Variants in SLC17A1 observed in about 807,000 individuals in gnomAD.
The protein encoded by SLC17A1 is solute carrier family 17 member 1.
SLC17A1 carries 51 observed loss-of-function variants against 53.5 expected under a neutral mutation model. The observed-to-expected ratio is 0.95, with a 90% CI of 0.76 to 1.20. The LOEUF (loss-of-function observed/expected upper bound fraction) is 1.20. Among genes scored for constraint, SLC17A1 ranks in the 50% most tolerant of loss-of-function variants. The probability of loss-of-function intolerance (pLI) is 0.00; values close to 1 mark genes in which losing one functional copy is unlikely to be tolerated. For missense variants in SLC17A1, 538 were observed against 568.2 expected, an observed-to-expected ratio of 0.95 and a Z score of 0.54; for synonymous variants, 179 against 198.8, an observed-to-expected ratio of 0.90 and a Z score of 0.84.
chr6:25,784,299 A>G (rs1241411870), intron 12 of SLC17A1, among the ~76,000 whole-genome samples: 1 of 152,138 alleles, frequency 6.6e-6, no homozygotes, highest in African/African-American at 2.4e-5. Flanking sequence ...GCTATAAAGG[A>G]ATATCTGAGT....
downstream of SLC17A1, chr6:25,779,728 T>G (rs1353791693): frequency 6.6e-6 from 1 of 152,220 alleles, no homozygotes; most frequent in Non-Finnish European, 1.5e-5. Context: ...CAACTTGCAT[T>G]CTGTGGATGC....
chr6:25,788,664 T>C (rs1056085378), intron 12 of SLC17A1, among the ~76,000 whole-genome samples: 1 of 20,234 alleles, frequency 4.9e-5, no homozygotes, highest in African/African-American at 7.5e-5. Context: ...GTCCAAGAGA[T>C]GAGGAAGGTC....
chr6:25,813,934 A>G (rs1256808218), intron 6 of SLC17A1, among the ~76,000 whole-genome samples: 2 of 152,184 alleles, frequency 1.3e-5, no homozygotes, highest in African/African-American at 4.8e-5. Context: ...TTATGGCTGC[A>G]TAGTATTCAA....
the SLC17A1 span, among the ~76,000 whole-genome samples, chr6:25,768,030 T>A: frequency 6.6e-6 from 1 of 152,202 alleles, no homozygotes; most frequent in Non-Finnish European, 1.5e-5. Flanking sequence ...TGGGTAGGTA[T>A]CTCTTCTTGA....
rs1763739207 is a variant in SLC17A1 at position 25,800,924 on chromosome 6, A to T, written c.1235T>A (p.Ile412Asn). The T allele has an allele frequency of 6.2e-7, 1 of 1,610,226 alleles. No homozygotes were observed. The highest frequency in any genetic ancestry group is 1.7e-5 in the Admixed American group (1 of 59,988). ...GATCAATCCAGTCAAAGTGGAAGCA[A>T]TTAGTCCTCCTATCATTCCAGTTAA... is the stretch of plus-strand genomic sequence containing the variant. ...STLTGMIGGL[I>N]ASTLTGLILK... is the part of the protein sequence containing the mutation. Residue 412 changes from isoleucine (I) to asparagine (N), a missense_variant, in exon 11 of 13, where the codon ATT (isoleucine) becomes AAT (asparagine). Physicochemically the swap from Ile to Asn is moderately radical, Grantham distance 149. Transcript: ENST00000244527.
At chr6:25,733,779 A>T in the SLC17A1 span, among the ~76,000 whole-genome samples, 1 of 136,370 alleles carries the variant, frequency 7.3e-6, no homozygotes, top group African/African-American at 2.8e-5. Context: ...CCAAAGCCTA[A>T]TACTGTGTGT....
At chr6:25,826,773 A>G in intron 2 of SLC17A1, 140 bp from the exon 3 acceptor site, 1 of 439,332 alleles carries the variant, frequency 2.3e-6, no homozygotes, top group Non-Finnish European at 3.9e-6. Context: ...TTTGATAATT[A>G]TTATATAATA....
At chr6:25,765,650 A>T in the SLC17A1 span, among the ~76,000 whole-genome samples, 2 of 152,178 alleles carry the variant, frequency 1.3e-5, no homozygotes, top group Non-Finnish European at 2.9e-5. Flanking sequence ...ACTAAGGAGG[A>T]AAAAAATGTC....
chr6:25,804,607 T>A (rs1763893325), intron 10 of SLC17A1, among the ~76,000 whole-genome samples: 1 of 151,940 alleles, frequency 6.6e-6, no homozygotes, highest in Non-Finnish European at 1.5e-5. Flanking sequence ...ATAAAAAAAA[T>A]CACAAAACAA....
chr6:25,818,170 G>A (rs981102881), intron 6 of SLC17A1, among the ~76,000 whole-genome samples: 12 of 152,230 alleles, frequency 7.9e-5, no homozygotes, highest in African/African-American at 2.4e-4. Flanking sequence ...GAGATGAGAG[G>A]GAGAGAATTG....
At chr6:25,817,718 T>C (rs1764406554) in intron 6 of SLC17A1, among the ~76,000 whole-genome samples, 1 of 152,216 alleles carries the variant, frequency 6.6e-6, no homozygotes, top group Admixed American at 6.5e-5. Context: ...ACCTCACCCC[T>C]GCTCCCCTGC....
rs887373388 is a variant in SLC17A1 at position 25,800,792 on chromosome 6, A to G, written c.1269+98T>C. ...CATATGATGCAAAAACTCATAAGTC[A>G]TCTCCTTCTGGCATCTTCTCTGCAA... is the stretch of plus-strand genomic sequence containing the variant. On this transcript the variant is annotated intron_variant, in intron 11 of 12. Coordinates refer to ENST00000244527, the MANE Select transcript of SLC17A1 (RefSeq NM_005074.5). 1.7e-5 allele frequency: 13 copies of G among 745,048 alleles called. No homozygotes were observed. In the African/African-American group the frequency reaches 1.8e-4, roughly 10 times the overall value. 46.2% of individuals were successfully genotyped at this position (745,048 alleles called of 1,614,324 possible).
the SLC17A1 span, among the ~76,000 whole-genome samples, chr6:25,760,710 G>A: frequency 2.6e-5 from 4 of 151,980 alleles, no homozygotes; most frequent in African/African-American, 4.8e-5. Context: ...GCTCATTACC[G>A]TTGATTTTGC....
chr6:25,737,628 C>T, the SLC17A1 span, among the ~76,000 whole-genome samples: 1 of 152,030 alleles, frequency 6.6e-6, no homozygotes. Flanking sequence ...ACTGCTATTA[C>T]AACCAGTAAT....
At chr6:25,750,816 A>T in the SLC17A1 span, among the ~76,000 whole-genome samples, 59 of 151,974 alleles carry the variant, frequency 3.9e-4, no homozygotes, top group Admixed American at 8.5e-4. Context: ...TTTTAAAAAA[A>T]TTTTTTTTGT....
At chr6:25,788,233 C>T (rs1457333082) in intron 12 of SLC17A1, among the ~76,000 whole-genome samples, 1 of 152,156 alleles carries the variant, frequency 6.6e-6, no homozygotes, top group African/African-American at 2.4e-5. Context: ...ACTTTAGTCA[C>T]TCACCATGCC....
chr6:25,726,360 T>G, the SLC17A1 span: 2 of 1,614,180 alleles, frequency 1.2e-6, no homozygotes, highest in Non-Finnish European at 1.7e-6. Flanking sequence ...TGAGATACTC[T>G]AACACTGCCG....
chr6:25,770,548 T>A, the SLC17A1 span: 3 of 1,271,282 alleles, frequency 2.4e-6, no homozygotes, highest in Admixed American at 5.1e-5. Context: ...AGAACCAAGA[T>A]CTTATATATC....
chr6:25,828,170 G>A (rs1323475971), intron 2 of SLC17A1, among the ~76,000 whole-genome samples: 1 of 152,120 alleles, frequency 6.6e-6, no homozygotes, highest in East Asian at 1.9e-4. Context: ...GAAAAATAGA[G>A]GAGAAAAGGA....
Sources: allele counts gnomAD v4.1 joint callset (sites outside exome capture counted in the v4.1 genomes callset), GRCh38; gene constraint gnomAD v4.1.1; transcripts MANE v1.5; gene names NCBI Gene and HGNC (gene_info 2026-07-23, HGNC 2026-07-21).